FYB2: variants seen among roughly 807,000 people sequenced by gnomAD.
FYB2 encodes the protein FYN-binding protein 2.
In FYB2, 103 loss-of-function variants were observed where a neutral mutation model predicts 94.1. That is an observed-to-expected ratio of 1.09 (90% CI 0.93 to 1.29). FYB2 has a LOEUF of 1.29. Ranked by LOEUF, FYB2 falls within the 50% of genes most tolerant of loss-of-function variation. FYB2 has a pLI of 0.00. For synonymous variants in FYB2, 293 were observed against 287.9 expected (o/e 1.02, Z -0.18); for missense variants, 896 against 841.5 (o/e 1.06, Z -0.80).
intron 1 of FYB2, among the ~76,000 whole-genome samples, chr1:56,816,113 C>A (rs1226583780): frequency 3.9e-5 from 6 of 152,172 alleles, no homozygotes; most frequent in African/African-American, 9.7e-5. Flanking sequence ...TGAAAACAAA[C>A]CACCCCAAAA....
chr1:56,774,558 A>T (rs1645831784), intron 4 of FYB2, among the ~76,000 whole-genome samples: 1 of 152,142 alleles, frequency 6.6e-6, no homozygotes, highest in African/African-American at 2.4e-5. Flanking sequence ...TTTATGTAAT[A>T]TATATTTTCA....
At chr1:56,821,822 C>T (rs568007098), upstream of FYB2, among the ~76,000 whole-genome samples, 83 of 152,278 alleles carry the variant, frequency 5.5e-4, 1 homozygote, top group South Asian at 2.9e-3. Flanking sequence ...ATAAGGAGAA[C>T]TCATACATGA....
At chr1:56,803,501 T>C (rs906566151) in intron 1 of FYB2, among the ~76,000 whole-genome samples, 2 of 152,230 alleles carry the variant, frequency 1.3e-5, no homozygotes, top group African/African-American at 4.8e-5. Flanking sequence ...TGGTTCAGCA[T>C]GTTGTCTTCT....
chr1:56,728,370 T>C (rs1389599068), intron 15 of FYB2, among the ~76,000 whole-genome samples: 1 of 152,140 alleles, frequency 6.6e-6, no homozygotes, highest in East Asian at 1.9e-4. Flanking sequence ...TAGCAGGTCC[T>C]TCTTTGTTAA....
chr1:56,765,315 A>G (rs1014216318), intron 5 of FYB2, among the ~76,000 whole-genome samples: 2 of 152,190 alleles, frequency 1.3e-5, no homozygotes, highest in Non-Finnish European at 2.9e-5. Context: ...GGAGAAGGGC[A>G]TCTTGTTACT....
At position 56,751,202 on chromosome 1, in the gene FYB2, A is replaced by G. The variant is rs748402840; in HGVS notation, c.1229T>C (p.Val410Ala). The change falls in exon 9 of 20, where the codon GTA becomes GCA. Residue 410 changes from valine to alanine, a missense_variant and splice_region_variant. Transcript: ENST00000343433. ...KEPYSNHVFK[V>A]DACEGTPEKI... ...TTCAGGTGTCCCTTCACAGGCATCTACCTAAACATATGCAAAAGGGAGAAT... is the reference window on the plus strand; with the variant it reads ...TTCAGGTGTCCCTTCACAGGCATCTGCCTAAACATATGCAAAAGGGAGAAT... The G allele has an allele frequency of 1.9e-6, 3 of 1,612,166 alleles. No individual in the cohort carries two copies. Among genetic ancestry groups the G allele is most frequent in the Non-Finnish European group, 2.5e-6 (3 of 1,178,904 alleles).
intron 6 of FYB2, among the ~76,000 whole-genome samples, chr1:56,756,358 C>T (rs371457428): frequency 7.2e-5 from 11 of 152,058 alleles, no homozygotes; most frequent in South Asian, 2.1e-4. Context: ...CTGTGATCAC[C>T]GCTCAAATCT....
intron 5 of FYB2, among the ~76,000 whole-genome samples, chr1:56,765,252 G>C (rs1009738122): frequency 6.6e-6 from 1 of 152,148 alleles, no homozygotes; most frequent in Non-Finnish European, 1.5e-5. Flanking sequence ...ACTGCTGGGT[G>C]GTTATGAAGA....
chr1:56,722,745 T>C (rs973531906), intron 17 of FYB2, among the ~76,000 whole-genome samples: 1 of 152,070 alleles, frequency 6.6e-6, no homozygotes, highest in South Asian at 2.1e-4. Flanking sequence ...CAGGAAGATA[T>C]GCAAAGATCA....
chr1:56,770,220 G>C (rs1485282281), intron 4 of FYB2, among the ~76,000 whole-genome samples: 1 of 152,016 alleles, frequency 6.6e-6, no homozygotes, highest in East Asian at 1.9e-4. Context: ...TTACCATACC[G>C]ACTGAGAAAG....
At chr1:56,737,884 T>G (rs977274779) in intron 14 of FYB2, among the ~76,000 whole-genome samples, 4 of 152,088 alleles carry the variant, frequency 2.6e-5, no homozygotes, top group African/African-American at 4.8e-5. Flanking sequence ...ACCAAGGATA[T>G]GTTGAGATGT....
At chr1:56,768,506 G>A (rs1485956014) in intron 4 of FYB2, among the ~76,000 whole-genome samples, 1 of 152,208 alleles carries the variant, frequency 6.6e-6, no homozygotes, top group African/African-American at 2.4e-5. Context: ...AGTCACCAAT[G>A]AGAAATCAGA....
In FYB2 at chr1:56,719,292, C is replaced by A. The variant is rs1224474034; in HGVS notation, c.*379G>T. On this transcript the variant is annotated 3_prime_UTR_variant, in exon 20 of 20. Coordinates refer to ENST00000343433, the MANE Select transcript of FYB2 (RefSeq NM_001004303.5). ...TTGAGTGCACAACATCTAGAAATTA[C>A]AAATGCTCATATACTAATATTAGAA... 2 of 172,832 alleles carry A rather than the reference C, an allele frequency of 1.2e-5. No individual in the cohort carries two copies. Among genetic ancestry groups the A allele is most frequent in the African/African-American group, 4.7e-5 (2 of 42,138 alleles). 10.7% of individuals were successfully genotyped at this position (172,832 alleles called of 1,614,324 possible). A position where few individuals can be genotyped will look rare whatever the true frequency, so the allele number is the denominator to read the frequency against.
At chr1:56,748,912 T>C (rs939675589) in intron 9 of FYB2, among the ~76,000 whole-genome samples, 1 of 152,026 alleles carries the variant, frequency 6.6e-6, no homozygotes, top group African/African-American at 2.4e-5. Flanking sequence ...TCCCAGTTTT[T>C]ATTTGTCTGA....
At chr1:56,774,804 C>CA (rs1645838612) in intron 4 of FYB2, among the ~76,000 whole-genome samples, 1 of 152,010 alleles carries the variant, frequency 6.6e-6, no homozygotes, top group Admixed American at 6.6e-5. Flanking sequence ...TGTGTGGGCA[C>CA]AATCTAATCA....
intron 4 of FYB2, among the ~76,000 whole-genome samples, chr1:56,770,983 G>T (rs61765520): frequency 0.017 from 2,603 of 152,172 alleles, 39 homozygotes; most frequent in Non-Finnish European, 0.025. Flanking sequence ...ACCTTATTTG[G>T]CAAGAATATG....
chr1:56,750,945 T>A lies in FYB2; in HGVS notation c.1387+99A>T, dbSNP rs953304301. ...GGCAAGTTGCTTGGCACAAAATAGA[T>A]GTTCAATAAATATTGGTAAAATAAA... On this transcript the variant is annotated intron_variant, in intron 9 of 19. Coordinates refer to ENST00000343433, the MANE Select transcript of FYB2 (RefSeq NM_001004303.5). The A allele has an allele frequency of 1.8e-5, 25 of 1,374,826 alleles. No homozygotes were observed. The African/African-American group carries it at 3.1e-4, about 17-fold the overall frequency. 85.2% of individuals were successfully genotyped at this position (1,374,826 alleles called of 1,614,324 possible). A position where few individuals can be genotyped will look rare whatever the true frequency, so the allele number is the denominator to read the frequency against.
chr1:56,782,507 C>G lies in FYB2; in HGVS notation c.953+4668G>C, dbSNP rs114476428. Among the ~76,000 whole-genome samples, 327 of 152,020 alleles carry G rather than the reference C, an allele frequency of 2.2e-3. 1 individual carries two copies. Among genetic ancestry groups the G allele is most frequent in the African/African-American group, 7.6e-3 (313 of 41,452 alleles). On this transcript the variant is annotated intron_variant, in intron 4 of 19. Transcript: ENST00000343433. Reference sequence around the variant, plus strand: ...TCCTAGAGACAGTCACATGATCTGCCCAGCCCTAGAAGACATTGTGTTTCC... The same window carrying G: ...TCCTAGAGACAGTCACATGATCTGCGCAGCCCTAGAAGACATTGTGTTTCC...
At chr1:56,733,522 G>A (rs1212783902) in intron 15 of FYB2, among the ~76,000 whole-genome samples, 1 of 152,126 alleles carries the variant, frequency 6.6e-6, no homozygotes, top group Non-Finnish European at 1.5e-5. Context: ...TAATTGTGAA[G>A]TTAGGGTGTC....
Sources: gnomAD v4.1 joint callset for allele counts (sites outside exome capture counted in the v4.1 genomes callset) on GRCh38, gnomAD v4.1.1 for gene constraint, MANE v1.5 for transcripts, NCBI Gene and HGNC (gene_info 2026-07-23, HGNC 2026-07-21) for gene names.